Variants in ATF7IP observed in about 807,000 individuals in gnomAD.
ATF7IP encodes the protein activating transcription factor 7-interacting protein 1.
In ATF7IP, 23 loss-of-function variants were observed where a neutral mutation model predicts 106.4. That is an observed-to-expected ratio of 0.22 (90% CI 0.16 to 0.31). The LOEUF (loss-of-function observed/expected upper bound fraction) is 0.31, where lower values mean the gene tolerates loss of function less well. Ranked by LOEUF, ATF7IP falls within the 10% of genes least tolerant of loss-of-function variation. The probability of loss-of-function intolerance (pLI) is 1.00; values close to 1 mark genes in which losing one functional copy is unlikely to be tolerated. For missense variants in ATF7IP, 1,334 were observed against 1,524.3 expected (o/e 0.88, Z 2.08); for synonymous variants, 542 against 539.0 (o/e 1.01, Z -0.08).
chr12:14,439,137 T>C (rs913264012), intron 5 of ATF7IP, among the ~76,000 whole-genome samples: 4 of 152,214 alleles, frequency 2.6e-5, no homozygotes, highest in Admixed American at 2.0e-4. Context: ...TAGTGTGCTG[T>C]AGTAATCTAC....
rs566703684 is a variant in ATF7IP at position 14,429,891 on chromosome 12, T to G, written c.1558+4418T>G. ...ATGAAGTAGATTTTGGAAGGAGGTG[T>G]ATAGGAGGAAGATCATTTTTCAAAT... On this transcript the variant is annotated intron_variant, in intron 2 of 14. Transcript: ENST00000261168. Among the ~76,000 whole-genome samples, 20 of 152,278 alleles carry G rather than the reference T, an allele frequency of 1.3e-4. No homozygotes were observed. The South Asian group carries it at 4.1e-3, about 32-fold the overall frequency.
intron 6 of ATF7IP, among the ~76,000 whole-genome samples, chr12:14,454,169 C>T (rs1943327574): frequency 6.6e-6 from 1 of 152,150 alleles, no homozygotes; most frequent in Non-Finnish European, 1.5e-5. Flanking sequence ...GGGCCTCTAA[C>T]ACCTTTTTTT....
At chr12:14,396,519 A>G (rs1939851949) in intron 1 of ATF7IP, among the ~76,000 whole-genome samples, 1 of 152,056 alleles carries the variant, frequency 6.6e-6, no homozygotes, top group South Asian at 2.1e-4. Context: ...CAATTTCCCT[A>G]TGATTGACAA....
At chr12:14,397,541 A>G (rs1939917475) in intron 1 of ATF7IP, among the ~76,000 whole-genome samples, 1 of 152,142 alleles carries the variant, frequency 6.6e-6, no homozygotes, top group Non-Finnish European at 1.5e-5. Flanking sequence ...GGGCATCCAA[A>G]CAAATTAACA....
At chr12:14,456,750 G>T in intron 7 of ATF7IP, 116 bp downstream of exon 7, 1 of 713,280 alleles carries the variant, frequency 1.4e-6, no homozygotes, top group Non-Finnish European at 2.3e-6. Context: ...AGTGTTTGGT[G>T]TACTTGGTTA....
rs760359935 is a variant in ATF7IP, at chr12:14,460,567, C to T, written c.2231C>T (p.Ser744Leu). ...SQPKLQTPVT[S>L]GSLTATSVLP... ...CCTAAATTGCAGACTCCAGTGACTT[C>T]GGGTTCCCTCACAGCAACGTCAGTT... is the stretch of plus-strand genomic sequence containing the variant. Residue 744 changes from serine (S) to leucine (L), a missense_variant, in exon 9 of 15, where the codon TCG becomes TTG. By Grantham distance (145) the Ser-to-Leu change is moderately radical. Coordinates refer to ENST00000261168, the MANE Select transcript of ATF7IP (RefSeq NM_018179.5). The T allele has an allele frequency of 8.1e-6, 13 of 1,614,062 alleles. No homozygotes were observed. The highest frequency in any genetic ancestry group is 5.5e-5 in the South Asian group (5 of 91,094).
chr12:14,462,784 G>A (rs1360445100), intron 9 of ATF7IP, among the ~76,000 whole-genome samples: 1 of 151,716 alleles, frequency 6.6e-6, no homozygotes. Context: ...AATTGGTATA[G>A]CATTCTGAGA....
chr12:14,429,089 A>C (rs138093666), intron 2 of ATF7IP, among the ~76,000 whole-genome samples: 1 of 152,308 alleles, frequency 6.6e-6, no homozygotes, highest in East Asian at 1.9e-4. Flanking sequence ...CCATTCTTCA[A>C]GTTATATTAA....
At chr12:14,370,757 G>A (rs1470723813) in intron 1 of ATF7IP, among the ~76,000 whole-genome samples, 1 of 151,920 alleles carries the variant, frequency 6.6e-6, no homozygotes, top group Non-Finnish European at 1.5e-5. Flanking sequence ...GACAATATAA[G>A]GTTATATTTC....
At chr12:14,481,733 A>G (rs1181569847) in intron 13 of ATF7IP, 3 of 274,372 alleles carry the variant, frequency 1.1e-5, no homozygotes, top group Non-Finnish European at 2.2e-5. Flanking sequence ...TATATTCTCT[A>G]CTCTATTAAG....
At chr12:14,441,026 A>G (rs2136640627) in intron 5 of ATF7IP, among the ~76,000 whole-genome samples, 1 of 152,320 alleles carries the variant, frequency 6.6e-6, no homozygotes, top group East Asian at 1.9e-4. Context: ...ATTGTGAATG[A>G]TGCTGCTTTG....
At chr12:14,405,699 G>A (rs992687757) in intron 1 of ATF7IP, among the ~76,000 whole-genome samples, 2 of 152,062 alleles carry the variant, frequency 1.3e-5, no homozygotes, top group Non-Finnish European at 2.9e-5. Flanking sequence ...GATTATAGGC[G>A]TGAGCCACTG....
intron 1 of ATF7IP, chr12:14,416,811 C>CT (rs1322893916): frequency 1.6e-6 from 1 of 630,340 alleles, no homozygotes; most frequent in East Asian, 1.4e-4. Flanking sequence ...TGGTTTTAGA[C>CT]TATTTCGGCT....
intron 13 of ATF7IP, among the ~76,000 whole-genome samples, chr12:14,486,056 C>G (rs900940956): frequency 9.2e-5 from 14 of 152,136 alleles, no homozygotes; most frequent in Non-Finnish European, 1.3e-4. Context: ...CCATAGTAGC[C>G]CTCACCCTAC....
intron 1 of ATF7IP, among the ~76,000 whole-genome samples, chr12:14,416,162 G>A (rs1451779996): frequency 2.6e-5 from 4 of 152,074 alleles, no homozygotes; most frequent in African/African-American, 9.7e-5. Context: ...GCAAAATTTA[G>A]AAGTGTAAAA....
At chr12:14,459,570 T>C (rs4764091) in intron 8 of ATF7IP, among the ~76,000 whole-genome samples, 1 of 151,944 alleles carries the variant, frequency 6.6e-6, no homozygotes, top group East Asian at 1.9e-4. Context: ...CCATTGGTGC[T>C]AATGTCTGCT....
At chr12:14,443,592 G>T (rs984038803) in intron 5 of ATF7IP, among the ~76,000 whole-genome samples, 1 of 152,042 alleles carries the variant, frequency 6.6e-6, no homozygotes, top group Non-Finnish European at 1.5e-5. Context: ...TCTCTTAAAG[G>T]GTTTTCAGAA....
rs192022739 is a variant in ATF7IP, at chr12:14,461,599, T to C, written c.2797+466T>C. 7.0e-4 allele frequency among the ~76,000 whole-genome samples: 107 copies of C among 152,332 alleles called. No individual in the cohort carries two copies. The Middle Eastern group carries it at 0.014, about 19-fold the overall frequency. On this transcript the variant is annotated intron_variant, in intron 9 of 14. Transcript: ENST00000261168. ...GAACAACTTAAAAATAAGTTTTTCT[T>C]TCACATTTGCTATAAAATGTTTGAG... is the stretch of plus-strand genomic sequence containing the variant.
intron 10 of ATF7IP, 77 bp downstream of exon 10, chr12:14,466,667 T>C (rs1943845339): frequency 1.7e-6 from 2 of 1,172,654 alleles, no homozygotes; most frequent in Non-Finnish European, 2.5e-6. Context: ...CATTCTTTGA[T>C]TGAATGAAAA....
Sources: allele counts gnomAD v4.1 joint callset (sites outside exome capture counted in the v4.1 genomes callset), GRCh38; gene constraint gnomAD v4.1.1; transcripts MANE v1.5; gene names NCBI Gene and HGNC (gene_info 2026-07-23, HGNC 2026-07-21).